The following NEGR1 variants were observed in gnomAD, a reference collection of about 807,000 sequenced individuals.
NEGR1 encodes the protein IgLON family member 4.
Under a neutral mutation model 40.9 loss-of-function variants are expected in NEGR1, and 10 were observed. That is an observed-to-expected ratio of 0.24 (90% CI 0.15 to 0.42). The LOEUF is 0.42. Ranked by LOEUF, NEGR1 falls within the 10% of genes least tolerant of loss-of-function variation. NEGR1 has a pLI of 1.00. For synonymous variants in NEGR1, 185 were observed against 166.8 expected, an observed-to-expected ratio of 1.11 and a Z score of -0.84; for missense variants, 352 against 438.9, an observed-to-expected ratio of 0.80 and a Z score of 1.77.
intron 2 of NEGR1, among the ~76,000 whole-genome samples, chr1:71,928,423 C>A (rs1177979416): frequency 7.6e-6 from 1 of 131,128 alleles, no homozygotes; most frequent in Non-Finnish European, 1.6e-5. Flanking sequence ...TATATACACA[C>A]ATATGTATAT....
chr1:71,894,513 T>C (rs1660910431), intron 2 of NEGR1, among the ~76,000 whole-genome samples: 1 of 152,210 alleles, frequency 6.6e-6, no homozygotes, highest in South Asian at 2.1e-4. Context: ...AACACTGAGA[T>C]ACATGTGTTA....
chr1:71,735,876 T>C (rs1465507208), intron 3 of NEGR1, among the ~76,000 whole-genome samples: 3 of 152,046 alleles, frequency 2.0e-5, no homozygotes, highest in Non-Finnish European at 4.4e-5. Flanking sequence ...AATTAAATTG[T>C]TACATATGAA....
At chr1:71,623,765 G>A (rs565132890) in intron 4 of NEGR1, among the ~76,000 whole-genome samples, 1 of 151,990 alleles carries the variant, frequency 6.6e-6, no homozygotes, top group South Asian at 2.1e-4. Flanking sequence ...TTCAGAAAGA[G>A]TAGTATGGGT....
chr1:71,940,827 C>A (rs1645951922), intron 1 of NEGR1, among the ~76,000 whole-genome samples: 1 of 152,082 alleles, frequency 6.6e-6, no homozygotes, highest in East Asian at 1.9e-4. Flanking sequence ...TTTTAAAGCT[C>A]AGTTAAGTCA....
chr1:71,991,670 T>C (rs1403976345), intron 1 of NEGR1, among the ~76,000 whole-genome samples: 1 of 149,492 alleles, frequency 6.7e-6, no homozygotes, highest in Non-Finnish European at 1.5e-5. Context: ...CTTAATCCAC[T>C]AGGTTGCAAA....
chr1:72,217,248 T>A (rs903893823), intron 1 of NEGR1, among the ~76,000 whole-genome samples: 2 of 151,812 alleles, frequency 1.3e-5, no homozygotes, highest in African/African-American at 4.8e-5. Context: ...AGGTGAAATA[T>A]CAGATTATGA....
intron 1 of NEGR1, among the ~76,000 whole-genome samples, chr1:72,158,940 T>C (rs1651458375): frequency 6.6e-6 from 1 of 152,146 alleles, no homozygotes; most frequent in Non-Finnish European, 1.5e-5. Flanking sequence ...TAAGATCTAA[T>C]TCAACATGTT....
intron 6 of NEGR1, among the ~76,000 whole-genome samples, chr1:71,456,812 A>G (rs1646676216): frequency 6.6e-6 from 1 of 152,080 alleles, no homozygotes; most frequent in South Asian, 2.1e-4. Flanking sequence ...TTTTTTTGAT[A>G]TTTTCTGCAC....
intron 1 of NEGR1, among the ~76,000 whole-genome samples, chr1:72,062,975 A>T (rs1486081): frequency 0.11 from 17,363 of 151,882 alleles, 1,193 homozygotes; most frequent in East Asian, 0.28. Flanking sequence ...AATCAATGGC[A>T]CTAAAACTAG....
At chr1:71,505,099 G>T (rs1431767319) in intron 6 of NEGR1, among the ~76,000 whole-genome samples, 1 of 152,134 alleles carries the variant, frequency 6.6e-6, no homozygotes, top group African/African-American at 2.4e-5. Flanking sequence ...GTCTCCAACC[G>T]TTAATAAAGG....
At chr1:71,485,130 T>G (rs1646879482) in intron 6 of NEGR1, among the ~76,000 whole-genome samples, 1 of 151,574 alleles carries the variant, frequency 6.6e-6, no homozygotes, top group Non-Finnish European at 1.5e-5. Context: ...ATAATTTTAG[T>G]CTTTGTTTAG....
intron 6 of NEGR1, among the ~76,000 whole-genome samples, chr1:71,443,088 C>A (rs1400700341): frequency 6.6e-6 from 1 of 152,114 alleles, no homozygotes; most frequent in Non-Finnish European, 1.5e-5. Flanking sequence ...GAGTAGCATC[C>A]AGAAAGATGG....
At chr1:71,743,587 T>G (rs1282268771) in intron 3 of NEGR1, among the ~76,000 whole-genome samples, 1 of 152,174 alleles carries the variant, frequency 6.6e-6, no homozygotes, top group Non-Finnish European at 1.5e-5. Flanking sequence ...AATGGAACCT[T>G]ATTTATAGAG....
chr1:71,842,312 C>A (rs1659271007), intron 2 of NEGR1, among the ~76,000 whole-genome samples: 2 of 152,096 alleles, frequency 1.3e-5, no homozygotes, highest in African/African-American at 4.8e-5. Flanking sequence ...AAATCCACTA[C>A]CTATCCATTG....
chr1:71,454,635 C>A (rs1246169016), intron 6 of NEGR1, among the ~76,000 whole-genome samples: 1 of 152,140 alleles, frequency 6.6e-6, no homozygotes, highest in African/African-American at 2.4e-5. Context: ...CAAGTGGAAG[C>A]ATGAGAAATG....
intron 6 of NEGR1, among the ~76,000 whole-genome samples, chr1:71,473,660 G>C (rs1402775813): frequency 6.6e-6 from 1 of 152,074 alleles, no homozygotes; most frequent in Admixed American, 6.6e-5. Context: ...GGATATATTT[G>C]TTGTAACTAG....
intron 6 of NEGR1, among the ~76,000 whole-genome samples, chr1:71,470,711 C>T (rs1034947647): frequency 5.3e-5 from 8 of 152,084 alleles, no homozygotes; most frequent in Non-Finnish European, 1.0e-4. Context: ...ATTGAACTAA[C>T]ACAGGCAGTG....
At chr1:72,248,158 A>G (rs1252443160) in intron 1 of NEGR1, among the ~76,000 whole-genome samples, 1 of 152,182 alleles carries the variant, frequency 6.6e-6, no homozygotes, top group Non-Finnish European at 1.5e-5. Flanking sequence ...ATTATAATTC[A>G]GTATGAGATT....
At chr1:72,148,104 G>T (rs778770644) in intron 1 of NEGR1, among the ~76,000 whole-genome samples, 21 of 152,094 alleles carry the variant, frequency 1.4e-4, no homozygotes, top group Admixed American at 2.0e-4. Flanking sequence ...CCACAGTAGA[G>T]ACTCTGTGTA....
Sources: gnomAD v4.1 joint callset for allele counts (sites outside exome capture counted in the v4.1 genomes callset) on GRCh38, gnomAD v4.1.1 for gene constraint, MANE v1.5 for transcripts, NCBI Gene and HGNC (gene_info 2026-07-23, HGNC 2026-07-21) for gene names.